GNPTG: variants seen among roughly 807,000 people sequenced by gnomAD.
The protein encoded by GNPTG is N-acetylglucosamine-1-phosphotransferase subunit gamma.
A neutral mutation model predicts 43.8 loss-of-function variants in GNPTG; 46 were observed. The ratio of observed to expected loss-of-function variants is 1.05; its 90% CI spans 0.83 to 1.34. The LOEUF (loss-of-function observed/expected upper bound fraction) is 1.34. Among genes scored for constraint, GNPTG ranks in the 40% most tolerant of loss-of-function variants. The pLI is 0.00. For missense variants in GNPTG, 549 were observed against 411.3 expected (o/e 1.33, Z -2.90); for synonymous variants, 250 against 172.8 (o/e 1.45, Z -3.50).
chr16:1,353,242 G>C (rs2034716473), intron 3 of GNPTG, among the ~76,000 whole-genome samples: 1 of 152,208 alleles, frequency 6.6e-6, no homozygotes, highest in Non-Finnish European at 1.5e-5. Context: ...CTCCAAAAGT[G>C]CTGGGATTAT....
chr16:1,362,548 C>G lies in GNPTG; in HGVS notation c.609+14C>G, dbSNP rs117489832. On this transcript the variant is annotated intron_variant, in intron 8 of 10. Coordinates refer to ENST00000204679, the MANE Select transcript of GNPTG (RefSeq NM_032520.5). ...ATCACCCCCCAGGTAAGCGTGCGCT[C>G]GGGGTGGCCCCTGGTGGGCCTGGCT... 6.2e-7 allele frequency: 1 copy of G among 1,614,110 alleles called. No homozygotes were observed. Among genetic ancestry groups the G allele is most frequent in the Non-Finnish European group, 8.5e-7 (1 of 1,180,008 alleles).
rs137853827 is a variant in GNPTG at position 1,362,689 on chromosome 16, C to G, written c.688C>G (p.Leu230Val). The G allele has an allele frequency of 2.5e-6, 4 of 1,614,050 alleles. No homozygotes were observed. The South Asian group carries it at 4.4e-5, about 18-fold the overall frequency. Residue 230 changes from leucine to valine, a missense_variant, in exon 9 of 11, where the codon CTG (leucine) becomes GTG (valine). Coordinates refer to ENST00000204679, the MANE Select transcript of GNPTG (RefSeq NM_032520.5). The stretch of plus-strand genomic sequence containing the variant: ...CCCAGAAGAAAATGAACCCACCCAG[C>G]TGGAGGGAGGTCCTGACAGCTTGGG... ...KTPEENEPTQLEGGPDSLGFE... is the reference protein window; with the variant it reads ...KTPEENEPTQVEGGPDSLGFE...
intron 3 of GNPTG, among the ~76,000 whole-genome samples, chr16:1,354,608 A>AAAAAAAAAAAAAAAC (rs1567180533): frequency 3.4e-5 from 5 of 149,218 alleles, no homozygotes; most frequent in South Asian, 2.1e-4. Flanking sequence ...AAAAAAAAAA[A>AAAAAAAAAAAAAAAC]ACCCATAAAA....
At chr16:1,360,834 C>T (rs964892141) in intron 3 of GNPTG, 1 of 152,372 alleles carries the variant, frequency 6.6e-6, no homozygotes, top group Non-Finnish European at 1.5e-5. Context: ...GCACGAGGAC[C>T]TCCGTCTGCC....
chr16:1,359,130 C>G (rs189300812), intron 3 of GNPTG, among the ~76,000 whole-genome samples: 2 of 151,214 alleles, frequency 1.3e-5, no homozygotes, highest in African/African-American at 4.9e-5. Context: ...TGCTGGGATT[C>G]CCGGCTTCTC....
In GNPTG at chr16:1,362,707, A is replaced by G; in HGVS notation, c.706A>G (p.Ser236Gly). ...CACCCAGCTGGAGGGAGGTCCTGAC[A>G]GCTTGGGGTTTGAGACCCTGGAAAA... ...EPTQLEGGPDSLGFETLENCR... is the reference protein window; with the variant it reads ...EPTQLEGGPDGLGFETLENCR... The change falls in exon 9 of 11, where the codon AGC (serine) becomes GGC (glycine). Residue 236 changes from serine (S) to glycine (G), a missense_variant. Ser to Gly is a moderately conservative substitution (Grantham distance 56). Transcript: ENST00000204679. 1 of 1,614,102 alleles carries G rather than the reference A, an allele frequency of 6.2e-7. No homozygotes were observed. The highest frequency in any genetic ancestry group is 8.5e-7 in the Non-Finnish European group (1 of 1,180,022).
In GNPTG at chr16:1,363,315, T is replaced by C. The variant is rs7192408; in HGVS notation, c.*224T>C. 2,963 of 560,480 alleles carry C rather than the reference T, an allele frequency of 5.3e-3. 71 individuals carry two copies. Among genetic ancestry groups the C allele is most frequent in the African/African-American group, 0.048 (2,527 of 53,050 alleles). The allele number at this position is 560,480 out of a possible 1,614,324, so 34.7% of individuals were successfully genotyped here. On this transcript the variant is annotated 3_prime_UTR_variant, in exon 11 of 11. Transcript: ENST00000204679. ...AAAAAATTTAAACAAGTGTTAACTT[T>C]AAACAGTTCGCTACAAGTAAATGAT...
Position 1,362,600 on chromosome 16 carries a change from T to TC in GNPTG, c.610-9dup. The TC allele has an allele frequency of 6.2e-7, 1 of 1,614,138 alleles. No homozygotes were observed. The highest frequency in any genetic ancestry group is 8.5e-7 in the Non-Finnish European group (1 of 1,180,016). On this transcript the variant is annotated splice_polypyrimidine_tract_variant and intron_variant, in intron 8 of 10. Coordinates refer to ENST00000204679, the MANE Select transcript of GNPTG (RefSeq NM_032520.5). ...GGAGCTGGGTGCTGCCCCTGCATCCTCCACCTTCAGGGCCATGAGAAGTTG... is the reference window on the plus strand; with the variant it reads ...GGAGCTGGGTGCTGCCCCTGCATCCTCCCACCTTCAGGGCCATGAGAAGTTG...
chr16:1,352,194 G>C, intron 2 of GNPTG, 35 bp downstream of exon 2: 9 of 1,554,076 alleles, frequency 5.8e-6, no homozygotes, highest in Non-Finnish European at 7.8e-6. Flanking sequence ...CTCGAGCGGG[G>C]GACGGCCCGG....
chr16:1,362,532 C>T lies in GNPTG; in HGVS notation c.607C>T (p.Gln203Ter), dbSNP rs2141863683. Residue 203 changes from glutamine to a stop codon, truncating the protein, a stop_gained and splice_region_variant, in exon 8 of 11, where the codon CAG (glutamine) becomes TAG (stop). Transcript: ENST00000204679. LOFTEE classifies it high-confidence loss of function. ...CCTGGCCGATGAGCTGATCACCCCC[C>T]AGGTAAGCGTGCGCTCGGGGTGGCC... ...QDLADELITP[Q>*]GHEKLLRTLF... The T allele has an allele frequency of 1.2e-6, 2 of 1,614,182 alleles. No individual in the cohort carries two copies. The highest frequency in any genetic ancestry group is 1.7e-6 in the Non-Finnish European group (2 of 1,180,036).
At chr16:1,360,034 A>AAG (rs2034842552) in intron 3 of GNPTG, among the ~76,000 whole-genome samples, 1 of 152,038 alleles carries the variant, frequency 6.6e-6, no homozygotes, top group African/African-American at 2.4e-5. Flanking sequence ...GGTTGAACCC[A>AAG]GTGGTGGAGA....
Position 1,352,316 on chromosome 16 carries a change from G to A in GNPTG, c.178+10G>A. ...CCTTCACCCGTGTCTGGTGAGTGAG[G>A]AGCGCTGTTGGCCGGCGCGGGGGTG... On this transcript the variant is annotated intron_variant, in intron 3 of 10. Transcript: ENST00000204679. The A allele has an allele frequency of 6.5e-7, 1 of 1,548,240 alleles. No individual in the cohort carries two copies. Among genetic ancestry groups the A allele is most frequent in the African/African-American group, 1.4e-5 (1 of 73,106 alleles).
chr16:1,353,477 C>T (rs1477854304), intron 3 of GNPTG, among the ~76,000 whole-genome samples: 1 of 152,136 alleles, frequency 6.6e-6, no homozygotes, highest in African/African-American at 2.4e-5. Context: ...ATGTGTGAAG[C>T]AGAGGAGGGA....
At chr16:1,352,517 C>G (rs2034702993) in intron 3 of GNPTG, 1 of 618,496 alleles carries the variant, frequency 1.6e-6, no homozygotes, top group African/African-American at 1.8e-5. Flanking sequence ...CTTTCCTTTC[C>G]GAGAGGTAAC....
At chr16:1,358,425 C>CA (rs1412919427) in intron 3 of GNPTG, 1 of 152,256 alleles carries the variant, frequency 6.6e-6, no homozygotes, top group Non-Finnish European at 1.5e-5. Flanking sequence ...CAAGGTCCCC[C>CA]AGGCTGGAGG....
chr16:1,352,503 CTTCCT>C, intron 3 of GNPTG, 197 bp downstream of exon 3: 5 of 646,940 alleles, frequency 7.7e-6, no homozygotes, highest in Non-Finnish European at 5.5e-6. Context: ...AGACTTAGTC[CTTCCT>C]TTCCTTTCCG....
intron 9 of GNPTG, 28 bp from the exon 10 acceptor site, chr16:1,362,797 T>C (rs1257300483): frequency 1.9e-6 from 3 of 1,613,948 alleles, no homozygotes; most frequent in Non-Finnish European, 2.5e-6. Context: ...ACCTGGGCTT[T>C]CCCTTGAACT....
chr16:1,355,567 G>C (rs1044737196), intron 3 of GNPTG, among the ~76,000 whole-genome samples: 1 of 152,148 alleles, frequency 6.6e-6, no homozygotes, highest in African/African-American at 2.4e-5. Context: ...GAGGTTGGTA[G>C]GTCTGTGATT....
At position 1,362,032 on chromosome 16, in the gene GNPTG, C is replaced by A; in HGVS notation, c.318-6C>A. ...GGCCTCACGTGCCGTGCCCGTGTCT[C>A]CCCAGCATCTGGCACGAGTGGGAGA... On this transcript the variant is annotated splice_region_variant and splice_polypyrimidine_tract_variant and intron_variant, in intron 5 of 10. Coordinates refer to ENST00000204679, the MANE Select transcript of GNPTG (RefSeq NM_032520.5). 2 of 1,612,818 alleles carry A rather than the reference C, an allele frequency of 1.2e-6. No individual in the cohort carries two copies. The highest frequency in any genetic ancestry group is 1.7e-6 in the Non-Finnish European group (2 of 1,179,702).
Sources: gnomAD v4.1 joint callset for allele counts (sites outside exome capture counted in the v4.1 genomes callset) on GRCh38, gnomAD v4.1.1 for gene constraint, MANE v1.5 for transcripts, NCBI Gene and HGNC (gene_info 2026-07-23, HGNC 2026-07-21) for gene names.